Variants in NALF1 observed in about 807,000 individuals in gnomAD.
NALF1 encodes the protein family with sequence similarity 155 member A.
In NALF1, 3 loss-of-function variants were observed where a neutral mutation model predicts 48.4. That is an observed-to-expected ratio of 0.06 (90% CI 0.03 to 0.16). NALF1 has a LOEUF of 0.16. NALF1 is among the 10% of genes least tolerant of loss of function. The pLI, the probability that NALF1 is intolerant of heterozygous loss-of-function variation, is 1.00. For synonymous variants in NALF1, 262 were observed against 245.7 expected (o/e 1.07, Z -0.62); for missense variants, 526 against 571.5 (o/e 0.92, Z 0.81).
chr13:107,600,248 G>A (rs1878884104), intron 1 of NALF1, among the ~76,000 whole-genome samples: 1 of 152,158 alleles, frequency 6.6e-6, no homozygotes, highest in Non-Finnish European at 1.5e-5. Context: ...TCTAGGTAAT[G>A]TGATAGTATC....
At chr13:107,693,772 G>A (rs930131850) in intron 1 of NALF1, among the ~76,000 whole-genome samples, 1 of 152,060 alleles carries the variant, frequency 6.6e-6, no homozygotes, top group East Asian at 1.9e-4. Flanking sequence ...TGTCATAAAT[G>A]TACACACTGA....
intron 1 of NALF1, among the ~76,000 whole-genome samples, chr13:107,565,950 T>C (rs1439663605): frequency 6.6e-6 from 1 of 152,152 alleles, no homozygotes; most frequent in Non-Finnish European, 1.5e-5. Context: ...ATGTTCCCAG[T>C]CCCCAAAGCA....
intron 1 of NALF1, among the ~76,000 whole-genome samples, chr13:107,618,420 G>T (rs149961451): frequency 1.3e-5 from 2 of 152,168 alleles, no homozygotes; most frequent in South Asian, 4.1e-4. Context: ...TTTATGATAA[G>T]TGTAAAGGCA....
At chr13:107,308,199 C>CTTTTTTTTTTTTTTTTTTTTTTTTT (rs772161115) in intron 1 of NALF1, among the ~76,000 whole-genome samples, 1 of 98,168 alleles carries the variant, frequency 1.0e-5, no homozygotes, top group Non-Finnish European at 2.0e-5. Flanking sequence ...TGTGTCTATG[C>CTTTTTTTTTTTTTTTTTTTTTTTTT]TTTTTTTTTT....
At chr13:107,430,641 A>G (rs1175305350) in intron 1 of NALF1, among the ~76,000 whole-genome samples, 1 of 152,142 alleles carries the variant, frequency 6.6e-6, no homozygotes, top group Non-Finnish European at 1.5e-5. Flanking sequence ...ATCATTTTTT[A>G]TGGCTGCATA....
chr13:107,859,563 T>C (rs1341838912), intron 1 of NALF1, among the ~76,000 whole-genome samples: 1 of 152,184 alleles, frequency 6.6e-6, no homozygotes, highest in Non-Finnish European at 1.5e-5. Context: ...TAACAATTTG[T>C]TGACAAGAAA....
At chr13:107,606,645 C>T (rs985568066) in intron 1 of NALF1, among the ~76,000 whole-genome samples, 3 of 152,064 alleles carry the variant, frequency 2.0e-5, no homozygotes, top group Non-Finnish European at 4.4e-5. Context: ...AGATTACAGG[C>T]ATGAGCCACT....
chr13:107,390,685 C>T (rs768429129), intron 1 of NALF1, among the ~76,000 whole-genome samples: 17 of 152,044 alleles, frequency 1.1e-4, no homozygotes, highest in South Asian at 2.1e-4. Context: ...TTACTATCCA[C>T]GGCCAACCTT....
intron 1 of NALF1, among the ~76,000 whole-genome samples, chr13:107,685,584 T>C (rs1881414300): frequency 2.0e-5 from 3 of 152,216 alleles, no homozygotes. Context: ...AAGCACAGAA[T>C]GCTAGTAACT....
At chr13:107,650,392 A>AT (rs949851327) in intron 1 of NALF1, among the ~76,000 whole-genome samples, 8 of 132,888 alleles carry the variant, frequency 6.0e-5, no homozygotes, top group Non-Finnish European at 1.2e-4. Flanking sequence ...CTCTGCAACC[A>AT]TTAAAAAAAA....
intron 1 of NALF1, among the ~76,000 whole-genome samples, chr13:107,563,496 G>A (rs1378308624): frequency 1.3e-5 from 2 of 152,182 alleles, no homozygotes; most frequent in African/African-American, 4.8e-5. Context: ...AATCCTATTT[G>A]AGAAGCCCTG....
At chr13:107,514,421 A>ATATCTATCTATCTATCTATCTATC (rs34590190) in intron 1 of NALF1, among the ~76,000 whole-genome samples, 1 of 148,646 alleles carries the variant, frequency 6.7e-6, no homozygotes, top group Non-Finnish European at 1.5e-5. Flanking sequence ...AGCTTCTCCT[A>ATATCTATCTATCTATCTATCTATC]TATCTATCTA....
At chr13:107,818,345 C>T (rs961043255) in intron 1 of NALF1, among the ~76,000 whole-genome samples, 16 of 152,132 alleles carry the variant, frequency 1.1e-4, no homozygotes, top group African/African-American at 3.9e-4. Flanking sequence ...AAAACTTTTG[C>T]TCAGGGCCAC....
At chr13:107,541,893 G>T (rs1312204765) in intron 1 of NALF1, among the ~76,000 whole-genome samples, 1 of 151,916 alleles carries the variant, frequency 6.6e-6, no homozygotes, top group Non-Finnish European at 1.5e-5. Context: ...TATATACTTT[G>T]CCAAGAAGTC....
At chr13:107,743,061 G>A (rs947241675) in intron 1 of NALF1, among the ~76,000 whole-genome samples, 3 of 152,190 alleles carry the variant, frequency 2.0e-5, no homozygotes, top group Admixed American at 6.5e-5. Flanking sequence ...TGCTGGCTAG[G>A]CTGGGAGGCC....
intron 1 of NALF1, among the ~76,000 whole-genome samples, chr13:107,773,100 T>G (rs774012543): frequency 3.3e-5 from 5 of 152,188 alleles, no homozygotes; most frequent in Non-Finnish European, 7.3e-5. Context: ...AAGCTCAATG[T>G]CATTAAGAAG....
At chr13:107,681,527 A>T (rs984535010) in intron 1 of NALF1, among the ~76,000 whole-genome samples, 4 of 152,104 alleles carry the variant, frequency 2.6e-5, no homozygotes, top group African/African-American at 7.2e-5. Flanking sequence ...TGCCCAGTTA[A>T]CCTCTACATT....
At position 107,863,727 on chromosome 13, in the gene NALF1, T is replaced by C. The variant is rs183898802; in HGVS notation, c.915+1955A>G. The stretch of plus-strand genomic sequence containing the variant: ...ACGTTATAAATGAGTTAACTTACAC[T>C]ATACTTTATCGCTATGATTATGTAA... On this transcript the variant is annotated intron_variant, in intron 1 of 2. Coordinates refer to ENST00000375915, the MANE Select transcript of NALF1 (RefSeq NM_001080396.3). 7.2e-4 allele frequency among the ~76,000 whole-genome samples: 110 copies of C among 152,312 alleles called. 1 individual carries two copies. The highest frequency in any genetic ancestry group is 1.5e-3 in the Admixed American group (23 of 15,304).
chr13:107,581,640 T>C (rs1878313124), intron 1 of NALF1, among the ~76,000 whole-genome samples: 1 of 152,198 alleles, frequency 6.6e-6, no homozygotes, highest in African/African-American at 2.4e-5. Context: ...TAAAACAAAA[T>C]GAGTGTATAT....
Sources: gnomAD v4.1 joint callset for allele counts (sites outside exome capture counted in the v4.1 genomes callset) on GRCh38, gnomAD v4.1.1 for gene constraint, MANE v1.5 for transcripts, NCBI Gene and HGNC (gene_info 2026-07-23, HGNC 2026-07-21) for gene names.